Variants in MAN2A2 observed in about 807,000 individuals in gnomAD.
The protein encoded by MAN2A2 is alpha-mannosidase 2x.
In MAN2A2, 79 loss-of-function variants were observed where a neutral mutation model predicts 126.8. The observed-to-expected ratio is 0.62, with a 90% CI of 0.52 to 0.75. The LOEUF (loss-of-function observed/expected upper bound fraction) is 0.75. Ranked by LOEUF, MAN2A2 falls within the 30% of genes least tolerant of loss-of-function variation. MAN2A2 has a pLI of 0.00. For missense variants in MAN2A2, 1,392 were observed against 1,522.4 expected (o/e 0.91, Z 1.43); for synonymous variants, 671 against 618.7 (o/e 1.08, Z -1.25).
Position 90,913,417 on chromosome 15 carries a change from G to A in MAN2A2, c.2718+11G>A. 1 of 1,582,156 alleles carries A rather than the reference G, an allele frequency of 6.3e-7. No individual in the cohort carries two copies. The highest frequency in any genetic ancestry group is 2.2e-5 in the East Asian group (1 of 44,716). ...CTCAATGGCTTTCAGGTGACTCCTGGGCCTGGGTCTCGGAGACCCCACAGA... is the reference window on the plus strand; with the variant it reads ...CTCAATGGCTTTCAGGTGACTCCTGAGCCTGGGTCTCGGAGACCCCACAGA... On this transcript the variant is annotated intron_variant, in intron 18 of 22. Coordinates refer to ENST00000559717, the MANE Select transcript of MAN2A2 (RefSeq NM_006122.4).
At position 90,904,299 on chromosome 15, in the gene MAN2A2, A is replaced by G. The variant is rs779827251; in HGVS notation, c.92A>G (p.His31Arg). The G allele has an allele frequency of 6.2e-7, 1 of 1,614,136 alleles. No homozygotes were observed. Among genetic ancestry groups the G allele is most frequent in the Non-Finnish European group, 8.5e-7 (1 of 1,180,024 alleles). The part of the protein sequence containing the change: ...SLYLMLDRVQ[H>R]DPTRHQNGGN... ...TACCTCATGCTGGACCGAGTGCAAC[A>G]CGATCCCACCCGACACCAGAATGGT... Residue 31 changes from histidine (H) to arginine (R), a missense_variant, in exon 2 of 23, where the codon CAC becomes CGC. Transcript: ENST00000559717.
At position 90,921,261 on chromosome 15, in the gene MAN2A2, G is replaced by A. The variant is rs574820507; in HGVS notation, c.*1474G>A. ...ACCCAATGATACACATCATGTTCCT[G>A]TCCACATACTGGTTTTCCCCAAATC... On this transcript the variant is annotated 3_prime_UTR_variant, in exon 23 of 23. Coordinates refer to ENST00000559717, the MANE Select transcript of MAN2A2 (RefSeq NM_006122.4). The A allele has an allele frequency of 6.6e-6, 1 of 152,362 alleles. No individual in the cohort carries two copies. The highest frequency in any genetic ancestry group is 2.1e-4 in the South Asian group (1 of 4,828). The allele number at this position is 152,362 out of a possible 1,614,324, so 9.4% of individuals were successfully genotyped here.
chr15:90,914,543 G>A (rs557226944), intron 19 of MAN2A2, among the ~76,000 whole-genome samples: 6 of 151,858 alleles, frequency 4.0e-5, no homozygotes, highest in South Asian at 2.1e-4. Flanking sequence ...GTTTTGAGAC[G>A]GAGTTTCACT....
In MAN2A2 at chr15:90,912,530, G is replaced by GT. The variant is rs1567127263; in HGVS notation, c.2347-6dup. The GT allele has an allele frequency of 1.9e-6, 3 of 1,612,894 alleles. No homozygotes were observed. The highest frequency in any genetic ancestry group is 1.1e-5 in the South Asian group (1 of 90,954). On this transcript the variant is annotated splice_polypyrimidine_tract_variant and intron_variant, in intron 15 of 22. Coordinates refer to ENST00000559717, the MANE Select transcript of MAN2A2 (RefSeq NM_006122.4). Reference sequence around the variant, plus strand: ...GTGTGGGGCCAGGGGTCAGGGCTGTGTTTTTTGGCAGAGCATCCGAAGGGT... The same window carrying GT: ...GTGTGGGGCCAGGGGTCAGGGCTGTGTTTTTTTGGCAGAGCATCCGAAGGGT...
At position 90,905,361 on chromosome 15, in the gene MAN2A2, C is replaced by T. The variant is rs138296704; in HGVS notation, c.243C>T (p.Asn81=). Residue 81 remains asparagine, a synonymous_variant, in exon 3 of 23, where the codon AAC becomes AAT. Transcript: ENST00000559717. ...ACTCCGTGCTGGAGCTGACAGCCAACGCAGAGGGCCCGCCCGCCATGCTGC... is the reference window on the plus strand; with the variant it reads ...ACTCCGTGCTGGAGCTGACAGCCAATGCAGAGGGCCCGCCCGCCATGCTGC... ...IKDSVLELTA[N]AEGPPAMLPY... The T allele has an allele frequency of 3.1e-5, 50 of 1,613,712 alleles. 1 individual carries two copies. Among genetic ancestry groups the T allele is most frequent in the African/African-American group, 1.3e-4 (10 of 74,924 alleles).
chr15:90,905,827 C>T lies in MAN2A2; in HGVS notation c.536-18C>T, dbSNP rs1389053665. On this transcript the variant is annotated intron_variant, in intron 4 of 22. Coordinates refer to ENST00000559717, the MANE Select transcript of MAN2A2 (RefSeq NM_006122.4). ...GAAGATGGTGGCATCCTCAGGGGAC[C>T]CTACATTGGCTCCCTAGGCTGGATC... 1.9e-6 allele frequency: 3 copies of T among 1,574,454 alleles called. No individual in the cohort carries two copies. The highest frequency in any genetic ancestry group is 2.6e-6 in the Non-Finnish European group (3 of 1,159,428).
chr15:90,916,396 G>T (rs1369527994), intron 20 of MAN2A2, 140 bp downstream of exon 20: 1 of 1,245,014 alleles, frequency 8.0e-7, no homozygotes, highest in Non-Finnish European at 1.1e-6. Context: ...GGGGTGGGGG[G>T]AGGCAGTCTG....
rs1003959385 is a variant in MAN2A2, at chr15:90,905,471, T to G, written c.353T>G (p.Phe118Cys). Residue 118 changes from phenylalanine (F) to cysteine (C), a missense_variant, in exon 3 of 23, where the codon TTT (phenylalanine) becomes TGT (cysteine). Physicochemically the swap from Phe to Cys is radical, Grantham distance 205. Transcript: ENST00000559717. ...FFSISPQDCQ[F>C]ALGGRGQKPE... The stretch of plus-strand genomic sequence containing the variant: ...TCCATCTCCCCGCAGGACTGCCAGT[T>G]TGCTTTGGGGGGCCGGGGTCAGAAG... 24 of 1,613,818 alleles carry G rather than the reference T, an allele frequency of 1.5e-5. No individual in the cohort carries two copies. The Middle Eastern group carries it at 6.6e-4, about 44-fold the overall frequency.
rs761655118 is a variant in MAN2A2, at chr15:90,907,305, G to A, written c.1010-4G>A. The stretch of plus-strand genomic sequence containing the variant: ...GTGGTGACCACGTGGTGTGTCTCCT[G>A]CAGACTCGGACTCCAGCACAGACAT... On this transcript the variant is annotated splice_polypyrimidine_tract_variant and splice_region_variant and intron_variant, in intron 7 of 22. Transcript: ENST00000559717. 1.9e-6 allele frequency: 3 copies of A among 1,612,336 alleles called. No individual in the cohort carries two copies. Among genetic ancestry groups the A allele is most frequent in the Non-Finnish European group, 2.5e-6 (3 of 1,178,938 alleles).
rs1387262973 is a variant in MAN2A2, at chr15:90,906,394, G to A, written c.732G>A (p.Glu244=). The A allele has an allele frequency of 5.6e-6, 9 of 1,614,072 alleles. No homozygotes were observed. Among genetic ancestry groups the A allele is most frequent in the Non-Finnish European group, 6.8e-6 (8 of 1,180,022 alleles). Residue 244 remains glutamate, a synonymous_variant, in exon 6 of 23, where the codon GAG becomes GAA. Coordinates refer to ENST00000559717, the MANE Select transcript of MAN2A2 (RefSeq NM_006122.4). ...VRRLVGNGQL[E]IATGGWVMPD... is the part of the protein sequence containing the mutation. ...GGCTGGTGGGAAACGGGCAGCTGGA[G>A]ATTGCGACAGGAGGCTGGGTGATGC...
In MAN2A2 at chr15:90,918,654, C is replaced by A. The variant is rs780535670; in HGVS notation, c.3199C>A (p.Leu1067Ile). ...ACTGTCTGTCATCCAGGAGGACACC[C>A]TACCCTCGGCGGAGACCGCACTCAT... Reference protein sequence around the residue: ...LRTLQAEEDTLPSAETALILH... With the variant: ...LRTLQAEEDTIPSAETALILH... Residue 1067 changes from leucine to isoleucine, a missense_variant, in exon 22 of 23, where the codon CTA becomes ATA. Physicochemically the swap from Leu to Ile is conservative, Grantham distance 5. Transcript: ENST00000559717. The A allele has an allele frequency of 2.6e-6, 4 of 1,518,128 alleles. No individual in the cohort carries two copies. Among genetic ancestry groups the A allele is most frequent in the Non-Finnish European group, 2.7e-6 (3 of 1,093,370 alleles). 94.0% of individuals were successfully genotyped at this position (1,518,128 alleles called of 1,614,324 possible).
chr15:90,909,128 C>T (rs1312298544), intron 8 of MAN2A2, among the ~76,000 whole-genome samples, 199 bp from the exon 9 acceptor site: 1 of 152,142 alleles, frequency 6.6e-6, no homozygotes, highest in Non-Finnish European at 1.5e-5. Context: ...TAAAAAATAA[C>T]ATGTCAGCTG....
chr15:90,915,252 G>C (rs2035080492), intron 19 of MAN2A2, among the ~76,000 whole-genome samples: 1 of 152,202 alleles, frequency 6.6e-6, no homozygotes, highest in Non-Finnish European at 1.5e-5. Flanking sequence ...ACATCTTTCT[G>C]TGGTTGTTCT....
In MAN2A2 at chr15:90,912,025, C is replaced by A. The variant is rs2034790308; in HGVS notation, c.2110-18C>A. On this transcript the variant is annotated intron_variant, in intron 14 of 22. Coordinates refer to ENST00000559717, the MANE Select transcript of MAN2A2 (RefSeq NM_006122.4). ...CGAAAGCCGTGCCCCCACTTCCTCA[C>A]CCCTCCTGTGCCCACAGGTGTCTGT... 12 of 1,600,552 alleles carry A rather than the reference C, an allele frequency of 7.5e-6. No individual in the cohort carries two copies. The highest frequency in any genetic ancestry group is 1.1e-5 in the South Asian group (1 of 90,616).
intron 8 of MAN2A2, among the ~76,000 whole-genome samples, chr15:90,908,877 A>G (rs1303536576): frequency 6.6e-6 from 1 of 152,114 alleles, no homozygotes; most frequent in Non-Finnish European, 1.5e-5. Context: ...CGCTCGGCCC[A>G]TTCAATCCAT....
intron 8 of MAN2A2, 162 bp downstream of exon 8, chr15:90,907,657 C>A: frequency 1.5e-6 from 1 of 647,114 alleles, no homozygotes; most frequent in Non-Finnish European, 2.6e-6. Context: ...ATGGCTCTTG[C>A]AACCACCTTT....
In MAN2A2 at chr15:90,913,356, A is replaced by T. The variant is rs199670986; in HGVS notation, c.2668A>T (p.Thr890Ser). The T allele has an allele frequency of 6.2e-7, 1 of 1,605,244 alleles. No individual in the cohort carries two copies. The highest frequency in any genetic ancestry group is 8.5e-7 in the Non-Finnish European group (1 of 1,171,916). Residue 890 changes from threonine to serine, a missense_variant, in exon 18 of 23, where the codon ACA becomes TCA. By Grantham distance (58) the Thr-to-Ser change is moderately conservative. Coordinates refer to ENST00000559717, the MANE Select transcript of MAN2A2 (RefSeq NM_006122.4). ...VNKELALHIH[T>S]DIDSQGIFFT... Reference sequence around the variant, plus strand: ...CAAGGAGCTGGCCCTGCACATCCATACAGACATCGACAGCCAGGGTATCTT... The same window carrying T: ...CAAGGAGCTGGCCCTGCACATCCATTCAGACATCGACAGCCAGGGTATCTT...
At position 90,905,944 on chromosome 15, in the gene MAN2A2, T is replaced by C. The variant is rs2034245962; in HGVS notation, c.635T>C (p.Leu212Pro). The change falls in exon 5 of 23, where the codon CTC becomes CCC. Residue 212 changes from leucine to proline, a missense_variant. Leu to Pro is a moderately conservative substitution (Grantham distance 98). Transcript: ENST00000559717. Reference sequence around the variant, plus strand: ...CAGGAGGACCCCCGGCGGCGCTTCCTCTGGGCAGAGGTCTCCTTCTTCGCC... The same window carrying C: ...CAGGAGGACCCCCGGCGGCGCTTCCCCTGGGCAGAGGTCTCCTTCTTCGCC... ...KLQEDPRRRF[L>P]WAEVSFFAKW... The C allele has an allele frequency of 1.9e-6, 3 of 1,613,814 alleles. No individual in the cohort carries two copies. Among genetic ancestry groups the C allele is most frequent in the African/African-American group, 1.3e-5 (1 of 74,934 alleles).
At chr15:90,915,125 A>G (rs2035070834) in intron 19 of MAN2A2, among the ~76,000 whole-genome samples, 1 of 152,182 alleles carries the variant, frequency 6.6e-6, no homozygotes, top group Admixed American at 6.5e-5. Flanking sequence ...CATCTGTGTC[A>G]TGACTCCTAA....
Sources: gnomAD v4.1 joint callset for allele counts (sites outside exome capture counted in the v4.1 genomes callset) on GRCh38, gnomAD v4.1.1 for gene constraint, MANE v1.5 for transcripts, NCBI Gene and HGNC (gene_info 2026-07-23, HGNC 2026-07-21) for gene names.